Variants in FMN2 observed in about 807,000 individuals in gnomAD.
The protein encoded by FMN2 is formin-2.
FMN2 carries 51 observed loss-of-function variants against 142.3 expected under a neutral mutation model. That is an observed-to-expected ratio of 0.36 (90% CI 0.29 to 0.45). FMN2 has a LOEUF of 0.45. Among genes scored for constraint, FMN2 ranks in the 20% least tolerant of loss-of-function variants. The pLI, the probability that FMN2 is intolerant of heterozygous loss-of-function variation, is 1.00. For synonymous variants in FMN2, 882 were observed against 869.8 expected (o/e 1.01, Z -0.25); for missense variants, 1,936 against 2,122.8 (o/e 0.91, Z 1.73).
intron 7 of FMN2, among the ~76,000 whole-genome samples, chr1:240,283,141 C>CT (rs895643247): frequency 2.0e-5 from 3 of 152,010 alleles, no homozygotes; most frequent in Admixed American, 6.6e-5. Context: ...CTGTGTTTTT[C>CT]TTTTTTTTCT....
At position 240,425,465 on chromosome 1, in the gene FMN2, C is replaced by T. The variant is rs557103401; in HGVS notation, c.4911-12596C>T. 2.0e-5 allele frequency among the ~76,000 whole-genome samples: 3 copies of T among 152,228 alleles called. No homozygotes were observed. In the South Asian group the frequency reaches 6.2e-4, roughly 32 times the overall value. ...CTCATCTTTAGCTTACTCCCCCCAC[C>T]CCAGTTGCTTTTGTGGATCCATTCT... On this transcript the variant is annotated intron_variant, in intron 15 of 17. Coordinates refer to ENST00000319653, the MANE Select transcript of FMN2 (RefSeq NM_020066.5).
chr1:240,362,088 G>C (rs1672505968), intron 14 of FMN2, among the ~76,000 whole-genome samples: 1 of 152,206 alleles, frequency 6.6e-6, no homozygotes, highest in South Asian at 2.1e-4. Context: ...ATGTTTCTGG[G>C]ATTGGCATAA....
At chr1:240,314,317 T>A (rs12045679) in intron 8 of FMN2, among the ~76,000 whole-genome samples, 19,243 of 152,032 alleles carry the variant, frequency 0.13, 1,586 homozygotes, top group African/African-American at 0.23. Flanking sequence ...GTGCAAATAT[T>A]GCTTGAATTG....
Position 240,093,195 on chromosome 1 carries a change from G to T in FMN2, c.1086G>T (p.Pro362=). Residue 362 remains proline (P), a synonymous_variant, in exon 1 of 18, where the codon CCG becomes CCT. Transcript: ENST00000319653. ...DAFEDAPRGS[P]GEEWAPEVGE... is the part of the protein sequence containing the mutation. Reference sequence around the variant, plus strand: ...TTGAGGATGCGCCCCGGGGCTCTCCGGGGGAGGAGTGGGCCCCGGAGGTGG... The same window carrying T: ...TTGAGGATGCGCCCCGGGGCTCTCCTGGGGAGGAGTGGGCCCCGGAGGTGG... The T allele has an allele frequency of 2.0e-6, 3 of 1,481,534 alleles. No homozygotes were observed. Among genetic ancestry groups the T allele is most frequent in the Non-Finnish European group, 8.9e-7 (1 of 1,118,326 alleles). The allele number at this position is 1,481,534 out of a possible 1,614,324, so 91.8% of individuals were successfully genotyped here. A position where few individuals can be genotyped will look rare whatever the true frequency, so the allele number is the denominator to read the frequency against.
chr1:240,203,449 A>AT (rs1666205887), intron 4 of FMN2, among the ~76,000 whole-genome samples: 1 of 152,122 alleles, frequency 6.6e-6, no homozygotes, highest in Non-Finnish European at 1.5e-5. Flanking sequence ...GAAAATGTGG[A>AT]TATATACACC....
At chr1:240,191,623 C>G (rs1414406729) in intron 4 of FMN2, among the ~76,000 whole-genome samples, 2 of 152,076 alleles carry the variant, frequency 1.3e-5, no homozygotes, top group Non-Finnish European at 2.9e-5. Flanking sequence ...ACTGTAAAGC[C>G]TTTTATACTC....
intron 6 of FMN2, among the ~76,000 whole-genome samples, chr1:240,218,080 C>T (rs1666970972): frequency 6.6e-6 from 1 of 151,846 alleles, no homozygotes; most frequent in Non-Finnish European, 1.5e-5. Context: ...GTCAAGAGAT[C>T]GAGACCATCC....
chr1:240,332,692 T>G (rs952932278), intron 11 of FMN2, among the ~76,000 whole-genome samples: 9 of 152,216 alleles, frequency 5.9e-5, no homozygotes, highest in African/African-American at 2.2e-4. Flanking sequence ...TAAAATAGTT[T>G]CACTTGTACT....
chr1:240,158,307 G>A (rs1228920184), intron 2 of FMN2, among the ~76,000 whole-genome samples: 2 of 152,102 alleles, frequency 1.3e-5, no homozygotes, highest in Non-Finnish European at 2.9e-5. Flanking sequence ...CTTGGCTGGA[G>A]GTAGGAGAAC....
chr1:240,414,574 G>T (rs1674516299), intron 15 of FMN2, among the ~76,000 whole-genome samples: 1 of 152,154 alleles, frequency 6.6e-6, no homozygotes, highest in South Asian at 2.1e-4. Context: ...ATAATAATTT[G>T]TCCCTTTTTT....
chr1:240,231,907 A>C (rs1239221468), intron 6 of FMN2, among the ~76,000 whole-genome samples: 1 of 152,152 alleles, frequency 6.6e-6, no homozygotes, highest in Non-Finnish European at 1.5e-5. Context: ...GTTTGTAGGC[A>C]CTTCTTGAAT....
intron 2 of FMN2, chr1:240,170,738 G>T: frequency 6.7e-7 from 1 of 1,491,056 alleles, no homozygotes; most frequent in Non-Finnish European, 9.3e-7. Flanking sequence ...GTCAAGGTGG[G>T]GCCTGGCTCT....
intron 1 of FMN2, among the ~76,000 whole-genome samples, chr1:240,103,894 T>C (rs1279517722): frequency 6.6e-6 from 1 of 151,950 alleles, no homozygotes; most frequent in East Asian, 1.9e-4. Context: ...TTATTTTTTT[T>C]TGTGACGGAG....
At chr1:240,187,501 C>A (rs1156335376) in intron 3 of FMN2, among the ~76,000 whole-genome samples, 2 of 152,034 alleles carry the variant, frequency 1.3e-5, no homozygotes, top group Admixed American at 1.3e-4. Context: ...GGCTCTGATT[C>A]ATGGAGCATG....
intron 8 of FMN2, among the ~76,000 whole-genome samples, chr1:240,327,873 G>A (rs1319697638): frequency 2.0e-5 from 3 of 151,956 alleles, no homozygotes; most frequent in South Asian, 4.1e-4. Context: ...CAGGCCAGGC[G>A]CAGTGGCTCA....
At chr1:240,450,348 A>C (rs1675968400) in intron 16 of FMN2, among the ~76,000 whole-genome samples, 1 of 152,160 alleles carries the variant, frequency 6.6e-6, no homozygotes, top group Non-Finnish European at 1.5e-5. Flanking sequence ...GAAGCCTATG[A>C]GCATTTTCAT....
rs568392409 is a variant in FMN2 at position 240,260,343 on chromosome 1, G to C, written c.4153+2311G>C. Reference sequence around the variant, plus strand: ...GAATCTCCACACTGTTTTCCATAGTGGTTGTACTGGTTTACATTCCCACCA... The same window carrying C: ...GAATCTCCACACTGTTTTCCATAGTCGTTGTACTGGTTTACATTCCCACCA... On this transcript the variant is annotated intron_variant, in intron 7 of 17. Coordinates refer to ENST00000319653, the MANE Select transcript of FMN2 (RefSeq NM_020066.5). 3.3e-5 allele frequency among the ~76,000 whole-genome samples: 5 copies of C among 152,214 alleles called. No homozygotes were observed. In the South Asian group the frequency reaches 1.0e-3, roughly 32 times the overall value.
intron 15 of FMN2, among the ~76,000 whole-genome samples, chr1:240,433,618 A>G (rs985310227): frequency 6.6e-6 from 1 of 152,192 alleles, no homozygotes; most frequent in East Asian, 1.9e-4. Context: ...AGAAGTTACT[A>G]TACATCCTTT....
At chr1:240,189,488 GATA>G (rs918844156) in intron 4 of FMN2, among the ~76,000 whole-genome samples, 29 of 152,290 alleles carry the variant, frequency 1.9e-4, no homozygotes, top group African/African-American at 6.5e-4. Context: ...GCTGATCTCT[GATA>G]ACTCATCAAA....
Sources: allele counts gnomAD v4.1 joint callset (sites outside exome capture counted in the v4.1 genomes callset), GRCh38; gene constraint gnomAD v4.1.1; transcripts MANE v1.5; gene names NCBI Gene and HGNC (gene_info 2026-07-23, HGNC 2026-07-21).